Variants in BPNT1 observed in about 807,000 individuals in gnomAD.
BPNT1 encodes 3'(2'), 5'-bisphosphate nucleotidase 1.
A neutral mutation model predicts 36.9 loss-of-function variants in BPNT1; 28 were observed. That is an observed-to-expected ratio of 0.76 (90% CI 0.56 to 1.04). BPNT1 has a LOEUF of 1.04. BPNT1 is among the 50% of genes least tolerant of loss of function. BPNT1 has a pLI of 0.00. For synonymous variants in BPNT1, 119 were observed against 130.9 expected (o/e 0.91, Z 0.62); for missense variants, 313 against 372.9 (o/e 0.84, Z 1.32).
Position 220,074,874 on chromosome 1 carries a change from CCTCA to C in BPNT1, c.121-807_121-804del, listed in dbSNP as rs1440640743. ...TTAACATATAGCTCACCTATGGCACCCTCACTCAATCAATATGTCAGATACTCAT... is the reference window on the plus strand; with the variant it reads ...TTAACATATAGCTCACCTATGGCACCCTCAATCAATATGTCAGATACTCAT... On this transcript the variant is annotated intron_variant, in intron 2 of 8. Coordinates refer to ENST00000322067, the MANE Select transcript of BPNT1 (RefSeq NM_006085.6). Among the ~76,000 whole-genome samples, 140 of 152,232 alleles carry C rather than the reference CCTCA, an allele frequency of 9.2e-4. 1 individual carries two copies. The highest frequency in any genetic ancestry group is 1.3e-4 in the Non-Finnish European group (9 of 68,022).
chr1:220,060,282 C>T (rs961633643), intron 7 of BPNT1, among the ~76,000 whole-genome samples: 3 of 152,018 alleles, frequency 2.0e-5, no homozygotes, highest in Non-Finnish European at 4.4e-5. Context: ...TTGAGACCAG[C>T]GTGGCCAACA....
At position 220,077,786 on chromosome 1, in the gene BPNT1, G is replaced by A. The variant is rs114889823; in HGVS notation, c.120+1941C>T. 5.6e-3 allele frequency among the ~76,000 whole-genome samples: 854 copies of A among 151,898 alleles called. 8 individuals are homozygous for A. The highest frequency in any genetic ancestry group is 0.018 in the African/African-American group (741 of 41,402). On this transcript the variant is annotated intron_variant, in intron 2 of 8. Coordinates refer to ENST00000322067, the MANE Select transcript of BPNT1 (RefSeq NM_006085.6). ...GACTTAACTCACTCTATTTTAAATC[G>A]TTAAAGTGCTAATGATAAATCATAT...
At chr1:220,078,605 A>T (rs988965912) in intron 2 of BPNT1, among the ~76,000 whole-genome samples, 4 of 146,740 alleles carry the variant, frequency 2.7e-5, no homozygotes, top group Admixed American at 1.4e-4. Flanking sequence ...ATATATATAT[A>T]TATTTTTTTG....
At chr1:220,085,827 A>G (rs1655665190) in intron 1 of BPNT1, among the ~76,000 whole-genome samples, 1 of 152,240 alleles carries the variant, frequency 6.6e-6, no homozygotes, top group African/African-American at 2.4e-5. Context: ...CCTATCCTTG[A>G]GAAGTCTTTA....
Position 220,072,926 on chromosome 1 carries a change from A to G in BPNT1, c.257T>C (p.Leu86Pro). 6.2e-7 allele frequency: 1 copy of G among 1,614,142 alleles called. No homozygotes were observed. The highest frequency in any genetic ancestry group is 8.5e-7 in the Non-Finnish European group (1 of 1,180,000). ...TTCTTCCCACTGACTGTCTTCAATC[A>G]GCTCTTGATCCACTTCCTCAGAAGG... ...DLPSEEVDQE[L>P]IEDSQWEEIL... Residue 86 changes from leucine (L) to proline (P), a missense_variant, in exon 4 of 9, where the codon CTG becomes CCG. Transcript: ENST00000322067.
chr1:220,058,232 C>T lies in BPNT1; in HGVS notation c.*612G>A. The T allele has an allele frequency of 1.0e-6, 1 of 991,736 alleles. No homozygotes were observed. Among genetic ancestry groups the T allele is most frequent in the Non-Finnish European group, 1.2e-6 (1 of 833,180 alleles). 61.4% of individuals were successfully genotyped at this position (991,736 alleles called of 1,614,324 possible). ...ATAGGAATGTTCATTGAACATTGACCTGAACTGTCAATTGGAACTAAAGCT... is the reference window on the plus strand; with the variant it reads ...ATAGGAATGTTCATTGAACATTGACTTGAACTGTCAATTGGAACTAAAGCT... On this transcript the variant is annotated 3_prime_UTR_variant, in exon 9 of 9. Transcript: ENST00000322067.
rs1663837217 is a variant in BPNT1 at position 220,069,376 on chromosome 1, A to G, written c.382+8T>C. The stretch of plus-strand genomic sequence containing the variant: ...ACTGTCAAATATGAATACAAAAGAG[A>G]TATCAACCTTCGGTATATTCCTTGG... On this transcript the variant is annotated splice_region_variant and intron_variant, in intron 5 of 8. Transcript: ENST00000322067. The G allele has an allele frequency of 4.4e-6, 7 of 1,592,646 alleles. No homozygotes were observed. Among genetic ancestry groups the G allele is most frequent in the Non-Finnish European group, 6.0e-6 (7 of 1,168,734 alleles).
In BPNT1 at chr1:220,072,868, A is replaced by C; in HGVS notation, c.315T>G (p.Ser105Arg). The C allele has an allele frequency of 6.2e-7, 1 of 1,613,862 alleles. No homozygotes were observed. Among genetic ancestry groups the C allele is most frequent in the Non-Finnish European group, 8.5e-7 (1 of 1,179,730 alleles). ...GTCATACATCTTCTTCTTTAATAGC[A>C]CTGTACTGCGATGGGCATGGTTGCT... ...ILKQPCPSQY[S>R]AIKEEDLVVW... Residue 105 changes from serine (S) to arginine (R), a missense_variant, in exon 4 of 9, where the codon AGT (serine) becomes AGG (arginine). Coordinates refer to ENST00000322067, the MANE Select transcript of BPNT1 (RefSeq NM_006085.6).
At chr1:220,082,085 T>TAG (rs3055555) in intron 1 of BPNT1, among the ~76,000 whole-genome samples, 1,517 of 103,224 alleles carry the variant, frequency 0.015, 17 homozygotes, top group East Asian at 0.05. Context: ...TATATATATA[T>TAG]AGAGAGAGAG....
chr1:220,059,017 A>T, intron 8 of BPNT1, 25 bp from the exon 9 acceptor site: 1 of 1,610,246 alleles, frequency 6.2e-7, no homozygotes, highest in Non-Finnish European at 8.5e-7. Context: ...CAATCAATCA[A>T]TCAAGTTAGT....
chr1:220,070,019 AATGAAT>A (rs546224691), intron 4 of BPNT1, among the ~76,000 whole-genome samples: 66 of 152,308 alleles, frequency 4.3e-4, no homozygotes, highest in Non-Finnish European at 8.2e-4. Flanking sequence ...CACTAAGCAC[AATGAAT>A]ATACTGATCT....
intron 1 of BPNT1, among the ~76,000 whole-genome samples, chr1:220,088,652 TGG>T (rs1411107890): frequency 6.6e-6 from 1 of 151,448 alleles, no homozygotes; most frequent in Non-Finnish European, 1.5e-5. Flanking sequence ...TTAGATGGTG[TGG>T]TGGCACATGC....
Position 220,059,718 on chromosome 1 carries a change from C to T in BPNT1, c.746G>A (p.Cys249Tyr). 6.2e-7 allele frequency: 1 copy of T among 1,610,780 alleles called. No individual in the cohort carries two copies. Among genetic ancestry groups the T allele is most frequent in the South Asian group, 1.1e-5 (1 of 90,196 alleles). The change falls in exon 8 of 9, where the codon TGT becomes TAT. Residue 249 changes from cysteine to tyrosine, a missense_variant. Coordinates refer to ENST00000322067, the MANE Select transcript of BPNT1 (RefSeq NM_006085.6). The stretch of plus-strand genomic sequence containing the variant: ...AGCATGTAAAATAACTTCTGGAGCA[C>T]AAGTATCCCACTTCTTACAACCAGG... Reference protein sequence around the residue: ...ASPGCKKWDTCAPEVILHAVG... With the variant: ...ASPGCKKWDTYAPEVILHAVG...
chr1:220,068,164 C>A (rs1264815039), intron 5 of BPNT1, among the ~76,000 whole-genome samples: 1 of 151,980 alleles, frequency 6.6e-6, no homozygotes, highest in Non-Finnish European at 1.5e-5. Context: ...TTAATTTTAT[C>A]ATCATCATCA....
chr1:220,074,146 C>G lies in BPNT1; in HGVS notation c.121-75G>C, dbSNP rs1423894382. On this transcript the variant is annotated intron_variant, in intron 2 of 8. Coordinates refer to ENST00000322067, the MANE Select transcript of BPNT1 (RefSeq NM_006085.6). ...CCTCTGATTCCTTGTGCATGAGTGC[C>G]TACATAATTTAGATTACACTGTCAG... 2.3e-6 allele frequency: 3 copies of G among 1,323,986 alleles called. No homozygotes were observed. The African/African-American group carries it at 4.4e-5, about 19-fold the overall frequency. The allele number at this position is 1,323,986 out of a possible 1,614,324, so 82.0% of individuals were successfully genotyped here.
rs1364205210 is a variant in BPNT1 at position 220,073,951 on chromosome 1, C to T, written c.225+16G>A. 6.2e-7 allele frequency: 1 copy of T among 1,607,042 alleles called. No individual in the cohort carries two copies. The highest frequency in any genetic ancestry group is 1.1e-5 in the South Asian group (1 of 89,948). On this transcript the variant is annotated intron_variant, in intron 3 of 8. Transcript: ENST00000322067. ...GTAAACAGAGATTTTAAAAAAATGT[C>T]TCTGATGACGCTTACCTCTTCCCCT...
Position 220,058,945 on chromosome 1 carries a change from C to T in BPNT1, c.826G>A (p.Val276Met). Residue 276 changes from valine to methionine, a missense_variant, in exon 9 of 9, where the codon GTG (valine) becomes ATG (methionine). Physicochemically the swap from Val to Met is conservative, Grantham distance 21. Transcript: ENST00000322067. ...ACTCCTGCAGAGTTCATATGCTTCA[C>T]ATCCTTGTGGTACTGAAGAACATTC... ...HGNVLQYHKD[V>M]KHMNSAGVLA... 1.2e-6 allele frequency: 2 copies of T among 1,613,808 alleles called. No homozygotes were observed. The highest frequency in any genetic ancestry group is 1.7e-6 in the Non-Finnish European group (2 of 1,179,686).
Position 220,058,927 on chromosome 1 carries a change from C to T in BPNT1, c.844G>A (p.Ala282Thr), listed in dbSNP as rs1171389471. The change falls in exon 9 of 9, where the codon GCA becomes ACA. Residue 282 changes from alanine to threonine, a missense_variant. Ala to Thr is a moderately conservative substitution (Grantham distance 58, BLOSUM62 0). Coordinates refer to ENST00000322067, the MANE Select transcript of BPNT1 (RefSeq NM_006085.6). Reference sequence around the variant, plus strand: ...TTCCTCAGTGTGGCCAGGACTCCTGCAGAGTTCATATGCTTCACATCCTTG... The same window carrying T: ...TTCCTCAGTGTGGCCAGGACTCCTGTAGAGTTCATATGCTTCACATCCTTG... ...YHKDVKHMNSAGVLATLRNYD... is the reference protein window; with the variant it reads ...YHKDVKHMNSTGVLATLRNYD... 2 of 1,613,918 alleles carry T rather than the reference C, an allele frequency of 1.2e-6. No homozygotes were observed. The highest frequency in any genetic ancestry group is 1.7e-6 in the Non-Finnish European group (2 of 1,179,796).
intron 3 of BPNT1, 82 bp from the exon 4 acceptor site, chr1:220,073,039 C>T (rs1664213003): frequency 2.7e-6 from 3 of 1,093,910 alleles, no homozygotes; most frequent in East Asian, 2.4e-5. Context: ...AGAAGAAATG[C>T]AGCATCACAG....
Sources: gnomAD v4.1 joint callset for allele counts (sites outside exome capture counted in the v4.1 genomes callset) on GRCh38, gnomAD v4.1.1 for gene constraint, MANE v1.5 for transcripts, NCBI Gene and HGNC (gene_info 2026-07-23, HGNC 2026-07-21) for gene names.